The following FTO variants were observed in gnomAD, a reference collection of about 807,000 sequenced individuals.
FTO encodes the protein FTO alpha-ketoglutarate dependent dioxygenase, also known as alpha-ketoglutarate-dependent dioxygenase FTO.
FTO carries 47 observed loss-of-function variants against 63.9 expected under a neutral mutation model. The ratio of observed to expected loss-of-function variants is 0.74; its 90% CI spans 0.58 to 0.94. The LOEUF is 0.94. Among genes scored for constraint, FTO ranks in the 40% least tolerant of loss-of-function variants. The pLI is 0.00. For missense variants in FTO, 562 were observed against 618.1 expected (o/e 0.91, Z 0.96); for synonymous variants, 207 against 224.4 (o/e 0.92, Z 0.69).
intron 1 of FTO, among the ~76,000 whole-genome samples, chr16:53,780,040 T>A (rs145904814): frequency 0.011 from 1,630 of 152,298 alleles, 24 homozygotes; most frequent in Admixed American, 0.014. Context: ...TTGGATTTAT[T>A]TTAAAAATAT....
intron 8 of FTO, among the ~76,000 whole-genome samples, chr16:53,964,068 T>G (rs2083144998): frequency 6.6e-6 from 1 of 152,210 alleles, no homozygotes; most frequent in Non-Finnish European, 1.5e-5. Flanking sequence ...ATGTATTTCT[T>G]AAAATTTAAA....
chr16:54,014,272 G>A (rs1232118435), intron 8 of FTO, among the ~76,000 whole-genome samples: 3 of 152,210 alleles, frequency 2.0e-5, no homozygotes, highest in Non-Finnish European at 2.9e-5. Flanking sequence ...AGTGAGAGGT[G>A]TGTGGGTTAT....
chr16:53,799,102 A>G (rs929370301), intron 1 of FTO, among the ~76,000 whole-genome samples: 4 of 151,802 alleles, frequency 2.6e-5, no homozygotes, highest in Admixed American at 1.3e-4. Flanking sequence ...TGTCCTTTTT[A>G]TGTGTTGTTG....
chr16:54,093,739 T>C (rs1372575193), intron 8 of FTO, among the ~76,000 whole-genome samples: 1 of 152,186 alleles, frequency 6.6e-6, no homozygotes, highest in Non-Finnish European at 1.5e-5. Context: ...GGATCCGCAG[T>C]GAGGGCCTAA....
chr16:54,088,517 A>G (rs1486040667), intron 8 of FTO, among the ~76,000 whole-genome samples: 3 of 152,190 alleles, frequency 2.0e-5, no homozygotes, highest in Non-Finnish European at 2.9e-5. Context: ...TGATCATTCA[A>G]AACACTCTTT....
chr16:54,037,698 ACT>A (rs2084973085), intron 8 of FTO, among the ~76,000 whole-genome samples: 1 of 152,120 alleles, frequency 6.6e-6, no homozygotes, highest in Admixed American at 6.5e-5. Context: ...AATTTTATAG[ACT>A]CTTCTACTTT....
At chr16:54,086,623 G>A (rs1173337847) in intron 8 of FTO, among the ~76,000 whole-genome samples, 1 of 152,170 alleles carries the variant, frequency 6.6e-6, no homozygotes, top group Non-Finnish European at 1.5e-5. Context: ...AACCTTTGCT[G>A]ACAGAGTCAC....
intron 8 of FTO, among the ~76,000 whole-genome samples, chr16:54,110,651 G>C (rs578123375): frequency 1.3e-5 from 2 of 152,214 alleles, no homozygotes; most frequent in Non-Finnish European, 2.9e-5. Flanking sequence ...ATGGGGCCAG[G>C]ATATTCCATT....
At chr16:54,060,323 G>A (rs532330440) in intron 8 of FTO, among the ~76,000 whole-genome samples, 3 of 152,226 alleles carry the variant, frequency 2.0e-5, no homozygotes, top group African/African-American at 7.2e-5. Flanking sequence ...AATGAAAAGT[G>A]TAATAAATCG....
At chr16:54,086,245 C>T (rs1369460630) in intron 8 of FTO, among the ~76,000 whole-genome samples, 5 of 152,132 alleles carry the variant, frequency 3.3e-5, no homozygotes, top group East Asian at 3.9e-4. Flanking sequence ...TTTTTCTGCT[C>T]GTGCTAAATG....
chr16:53,896,999 C>G (rs1006554787), intron 7 of FTO, among the ~76,000 whole-genome samples: 1 of 152,102 alleles, frequency 6.6e-6, no homozygotes, highest in Non-Finnish European at 1.5e-5. Context: ...TTAAGTTGGC[C>G]CTTCCGTGCC....
At chr16:53,801,407 C>T (rs1425002795) in intron 1 of FTO, among the ~76,000 whole-genome samples, 3 of 152,020 alleles carry the variant, frequency 2.0e-5, no homozygotes, top group Non-Finnish European at 4.4e-5. Flanking sequence ...TTTATTTCTA[C>T]ATATGTTATG....
chr16:53,997,519 T>C (rs1395077551), intron 8 of FTO, among the ~76,000 whole-genome samples: 9 of 127,536 alleles, frequency 7.1e-5, no homozygotes, highest in Non-Finnish European at 1.1e-4. Context: ...AGTCAAATCT[T>C]GAAGAAGGGA....
chr16:54,117,024 A>C lies in FTO; in HGVS notation c.*5109A>C, dbSNP rs555979857. The C allele has an allele frequency of 3.9e-5, 6 of 152,324 alleles. No individual in the cohort carries two copies. Among genetic ancestry groups the C allele is most frequent in the Admixed American group, 3.9e-4 (6 of 15,284 alleles). 9.4% of individuals were successfully genotyped at this position (152,324 alleles called of 1,614,324 possible). On this transcript the variant is annotated 3_prime_UTR_variant, in exon 9 of 9. Transcript: ENST00000471389. ...CCCAAATCCTCCTCCTACATTGGAA[A>C]CTGAGCCTCTCTGCATCCTCTGCTC...
chr16:53,757,445 A>T (rs1304986682), intron 1 of FTO, among the ~76,000 whole-genome samples: 1 of 152,040 alleles, frequency 6.6e-6, no homozygotes, highest in Non-Finnish European at 1.5e-5. Flanking sequence ...CATGTCATCC[A>T]CATAAATATC....
chr16:53,758,431 T>C (rs543455554), intron 1 of FTO, among the ~76,000 whole-genome samples: 37 of 152,334 alleles, frequency 2.4e-4, no homozygotes, highest in African/African-American at 8.9e-4. Flanking sequence ...ATGTAACCAT[T>C]GTAACCAGGG....
rs1423343886 is a variant in FTO at position 53,730,484 on chromosome 16, T to C, written c.45+26255T>C. On this transcript the variant is annotated intron_variant, in intron 1 of 8. Transcript: ENST00000471389. ...CATTGTCATGATTTTTTTTGTAGTT[T>C]TCATTATTTTAGAAGGCTTTTTTTT... Among the ~76,000 whole-genome samples the C allele has an allele frequency of 3.3e-5, 5 of 151,894 alleles. No homozygotes were observed. In the East Asian group the frequency reaches 9.7e-4, roughly 29 times the overall value.
intron 8 of FTO, among the ~76,000 whole-genome samples, chr16:54,095,903 T>C (rs1392338124): frequency 6.6e-6 from 1 of 152,222 alleles, no homozygotes; most frequent in African/African-American, 2.4e-5. Context: ...GTCCTTAGAC[T>C]TCTTTAATGT....
At chr16:53,914,249 C>A (rs928997503) in intron 7 of FTO, among the ~76,000 whole-genome samples, 1 of 147,176 alleles carries the variant, frequency 6.8e-6, no homozygotes, top group Non-Finnish European at 1.5e-5. Flanking sequence ...CTTCTTCTTT[C>A]TTTCTTTTTT....
Sources: gnomAD v4.1 joint callset for allele counts (sites outside exome capture counted in the v4.1 genomes callset) on GRCh38, gnomAD v4.1.1 for gene constraint, MANE v1.5 for transcripts, NCBI Gene and HGNC (gene_info 2026-07-23, HGNC 2026-07-21) for gene names.